Variants in DYNC1I1 observed in about 807,000 individuals in gnomAD.
DYNC1I1 encodes cytoplasmic dynein 1 intermediate chain 1.
In DYNC1I1, 43 loss-of-function variants were observed where a neutral mutation model predicts 86.6. That is an observed-to-expected ratio of 0.50 (90% CI 0.39 to 0.64). The LOEUF (loss-of-function observed/expected upper bound fraction) is 0.64, where lower values mean the gene tolerates loss of function less well. Ranked by LOEUF, DYNC1I1 falls within the 30% of genes least tolerant of loss-of-function variation. The pLI is 0.00. For synonymous variants in DYNC1I1, 262 were observed against 283.7 expected (o/e 0.92, Z 0.77); for missense variants, 604 against 788.8 (o/e 0.77, Z 2.81).
At chr7:95,928,886 G>A (rs1490413607) in intron 6 of DYNC1I1, among the ~76,000 whole-genome samples, 1 of 152,122 alleles carries the variant, frequency 6.6e-6, no homozygotes, top group African/African-American at 2.4e-5. Flanking sequence ...GGTGGTTCTT[G>A]CTGTTTTCTT....
intron 5 of DYNC1I1, among the ~76,000 whole-genome samples, chr7:95,856,016 T>G (rs1789711024): frequency 6.6e-6 from 1 of 152,260 alleles, no homozygotes; most frequent in African/African-American, 2.4e-5. Context: ...TGTGACTTTT[T>G]TACTTTATAA....
Position 95,828,073 on chromosome 7 carries a change from A to C in DYNC1I1, c.331A>C (p.Thr111Pro), listed in dbSNP as rs750054458. Residue 111 changes from threonine to proline, a missense_variant, in exon 5 of 17, where the codon ACA (threonine) becomes CCA (proline). By Grantham distance (38) the Thr-to-Pro change is conservative. Transcript: ENST00000447467. The stretch of plus-strand genomic sequence containing the variant: ...CACAATTAGGACCCTGCAGTGGGAC[A>C]CAGACCCCTCAGTGCTCCAGCTGCA... ...GPLTRTLQWDTDPSVLQLQSD... is the reference protein window; with the variant it reads ...GPLTRTLQWDPDPSVLQLQSD... The C allele has an allele frequency of 1.2e-6, 2 of 1,613,900 alleles. No individual in the cohort carries two copies. The highest frequency in any genetic ancestry group is 1.7e-5 in the Admixed American group (1 of 60,012).
intron 7 of DYNC1I1, among the ~76,000 whole-genome samples, chr7:95,981,735 C>A (rs998082654): frequency 3.3e-5 from 5 of 152,064 alleles, no homozygotes; most frequent in Non-Finnish European, 7.4e-5. Flanking sequence ...GAAAAAAAAT[C>A]TGCTATAATA....
At chr7:95,869,808 C>G in intron 5 of DYNC1I1, 75 bp from the exon 6 acceptor site, 2 of 1,398,316 alleles carry the variant, frequency 1.4e-6, no homozygotes, top group Non-Finnish European at 2.0e-6. Context: ...TGTTTTAGTG[C>G]TTTCTTTTAT....
At chr7:95,866,369 G>A (rs911862023) in intron 5 of DYNC1I1, among the ~76,000 whole-genome samples, 2 of 152,154 alleles carry the variant, frequency 1.3e-5, no homozygotes, top group South Asian at 2.1e-4. Context: ...GCCTCAATGA[G>A]TGGATGGTCA....
chr7:96,037,327 A>G (rs1478387748), intron 13 of DYNC1I1, among the ~76,000 whole-genome samples: 6 of 152,332 alleles, frequency 3.9e-5, no homozygotes, highest in East Asian at 1.9e-4. Context: ...TATTTGTTGT[A>G]TGCCTACTTT....
chr7:95,885,839 A>C (rs1218036442), intron 6 of DYNC1I1, among the ~76,000 whole-genome samples: 1 of 152,180 alleles, frequency 6.6e-6, no homozygotes, highest in African/African-American at 2.4e-5. Context: ...GGTATCTTCC[A>C]AAAATGTCAT....
chr7:95,836,293 G>A (rs1244809475), intron 5 of DYNC1I1, among the ~76,000 whole-genome samples: 2 of 152,046 alleles, frequency 1.3e-5, no homozygotes, highest in African/African-American at 4.8e-5. Context: ...TTGAATATTG[G>A]CCCCCACTCT....
At chr7:95,888,214 A>T (rs747501897) in intron 6 of DYNC1I1, among the ~76,000 whole-genome samples, 1 of 152,200 alleles carries the variant, frequency 6.6e-6, no homozygotes, top group Non-Finnish European at 1.5e-5. Flanking sequence ...AGGTGGGCAG[A>T]TTGCTTGAGC....
intron 16 of DYNC1I1, among the ~76,000 whole-genome samples, chr7:96,108,860 C>CAAAAA (rs201915898): frequency 1.3e-5 from 1 of 79,604 alleles, no homozygotes; most frequent in African/African-American, 4.7e-5. Context: ...GACTCTGTCT[C>CAAAAA]AAAAAAAAAA....
At chr7:95,859,227 G>A (rs1031116750) in intron 5 of DYNC1I1, among the ~76,000 whole-genome samples, 1 of 151,220 alleles carries the variant, frequency 6.6e-6, no homozygotes, top group African/African-American at 2.4e-5. Flanking sequence ...TTATTTCATT[G>A]AATTGTTTCT....
chr7:96,003,559 A>G (rs1794067693), intron 10 of DYNC1I1, among the ~76,000 whole-genome samples: 2 of 152,146 alleles, frequency 1.3e-5, no homozygotes, highest in South Asian at 4.1e-4. Context: ...TCTTTATCCT[A>G]CAACATTTTC....
At chr7:96,052,911 G>A (rs1789446026) in intron 14 of DYNC1I1, among the ~76,000 whole-genome samples, 1 of 152,144 alleles carries the variant, frequency 6.6e-6, no homozygotes, top group South Asian at 2.1e-4. Context: ...GGGCAGTAAG[G>A]ACATCTTACC....
chr7:95,848,348 C>G (rs1228279400), intron 5 of DYNC1I1, among the ~76,000 whole-genome samples: 1 of 151,776 alleles, frequency 6.6e-6, no homozygotes, highest in Non-Finnish European at 1.5e-5. Flanking sequence ...TCCTGTATAG[C>G]TGAAATTTTG....
At chr7:96,016,128 T>G (rs1794396409) in intron 10 of DYNC1I1, among the ~76,000 whole-genome samples, 1 of 152,134 alleles carries the variant, frequency 6.6e-6, no homozygotes, top group Non-Finnish European at 1.5e-5. Flanking sequence ...GCCCAAGGTT[T>G]ATATTCACCA....
intron 14 of DYNC1I1, among the ~76,000 whole-genome samples, chr7:96,051,638 T>TGCTC (rs1789407866): frequency 6.6e-6 from 1 of 152,208 alleles, no homozygotes; most frequent in East Asian, 1.9e-4. Flanking sequence ...TAAAATTTTC[T>TGCTC]AAGTGACTGG....
chr7:96,101,649 C>A (rs957781146), downstream of DYNC1I1, among the ~76,000 whole-genome samples: 2 of 152,138 alleles, frequency 1.3e-5, no homozygotes, highest in Non-Finnish European at 2.9e-5. Context: ...AAGTCTAGGT[C>A]TCAATGGGCT....
intron 14 of DYNC1I1, among the ~76,000 whole-genome samples, chr7:96,067,659 G>A (rs1392853696): frequency 1.3e-5 from 2 of 152,006 alleles, no homozygotes; most frequent in African/African-American, 2.4e-5. Context: ...TATTTATGCA[G>A]ACGTGTGAAT....
chr7:95,986,807 C>T (rs931338010), intron 8 of DYNC1I1, among the ~76,000 whole-genome samples: 1 of 151,800 alleles, frequency 6.6e-6, no homozygotes, highest in Non-Finnish European at 1.5e-5. Context: ...AAGATGGGAA[C>T]TTGAAACAAA....
Sources: gnomAD v4.1 joint callset for allele counts (sites outside exome capture counted in the v4.1 genomes callset) on GRCh38, gnomAD v4.1.1 for gene constraint, MANE v1.5 for transcripts, NCBI Gene and HGNC (gene_info 2026-07-23, HGNC 2026-07-21) for gene names.